The following FBXL4 variants were observed in gnomAD, a reference collection of about 807,000 sequenced individuals.
FBXL4 encodes F-box/LRR-repeat protein 4.
A neutral mutation model predicts 58.9 loss-of-function variants in FBXL4; 40 were observed. The ratio of observed to expected loss-of-function variants is 0.68; its 90% CI spans 0.53 to 0.88. The LOEUF (loss-of-function observed/expected upper bound fraction) is 0.88, where lower values mean the gene tolerates loss of function less well. FBXL4 is among the 40% of genes least tolerant of loss of function. The pLI is 0.00. For missense variants in FBXL4, 676 were observed against 734.4 expected (o/e 0.92, Z 0.92); for synonymous variants, 263 against 265.5 (o/e 0.99, Z 0.09).
chr6:98,947,267 C>T (rs1773656158), intron 1 of FBXL4, among the ~76,000 whole-genome samples: 1 of 152,260 alleles, frequency 6.6e-6, no homozygotes, highest in African/African-American at 2.4e-5. Flanking sequence ...AGATGGTCAT[C>T]ATCACACTCT....
At chr6:98,894,942 G>A (rs944795305) in intron 7 of FBXL4, among the ~76,000 whole-genome samples, 1 of 152,048 alleles carries the variant, frequency 6.6e-6, no homozygotes, top group Non-Finnish European at 1.5e-5. Flanking sequence ...TGCAGGGAGG[G>A]ACCCACATCA....
intron 8 of FBXL4, 93 bp from the exon 9 acceptor site, chr6:98,875,820 T>G (rs1246317497): frequency 2.4e-6 from 3 of 1,256,298 alleles, no homozygotes; most frequent in Non-Finnish European, 3.4e-6. Flanking sequence ...ACCTATTGCT[T>G]TGCTTCCATG....
In FBXL4 at chr6:98,905,789, A is replaced by G. The variant is rs868189230; in HGVS notation, c.859-119T>C. ...ATACATTTTATAACAATATTTTCAC[A>G]TAGTAAATAAACATCCAACAGAATT... On this transcript the variant is annotated intron_variant, in intron 5 of 9. Transcript: ENST00000369244. 98 of 1,001,702 alleles carry G rather than the reference A, an allele frequency of 9.8e-5. No individual in the cohort carries two copies. In the African/African-American group the frequency reaches 1.4e-3, roughly 15 times the overall value. The allele number at this position is 1,001,702 out of a possible 1,614,324, so 62.1% of individuals were successfully genotyped here.
At chr6:98,906,068 G>A (rs1425487187) in intron 5 of FBXL4, among the ~76,000 whole-genome samples, 2 of 151,364 alleles carry the variant, frequency 1.3e-5, no homozygotes, top group Admixed American at 6.6e-5. Context: ...ACAATGATAC[G>A]TTTTAATAGC....
chr6:98,923,604 C>A (rs950490081), intron 4 of FBXL4, among the ~76,000 whole-genome samples: 2 of 152,160 alleles, frequency 1.3e-5, no homozygotes, highest in Non-Finnish European at 2.9e-5. Context: ...CCCAGGGAAG[C>A]CTTCTCTGAG....
intron 4 of FBXL4, among the ~76,000 whole-genome samples, chr6:98,923,581 G>A (rs1400463082): frequency 1.3e-5 from 2 of 152,104 alleles, no homozygotes; most frequent in Non-Finnish European, 2.9e-5. Context: ...TCAGGTCCCA[G>A]GTAAGTCACT....
At chr6:98,884,261 T>C (rs1487902302) in intron 7 of FBXL4, among the ~76,000 whole-genome samples, 1 of 152,126 alleles carries the variant, frequency 6.6e-6, no homozygotes, top group Non-Finnish European at 1.5e-5. Context: ...TACTATGTGT[T>C]AGGCACCGTT....
chr6:98,883,144 G>A (rs1211752955), intron 7 of FBXL4, among the ~76,000 whole-genome samples: 5 of 152,008 alleles, frequency 3.3e-5, no homozygotes, highest in Non-Finnish European at 5.9e-5. Context: ...CATGAGTACA[G>A]AATGGTATAA....
rs572075170 is a variant in FBXL4 at position 98,904,097 on chromosome 6, G to C, written c.1103+1329C>G. On this transcript the variant is annotated intron_variant, in intron 6 of 9. Coordinates refer to ENST00000369244, the MANE Select transcript of FBXL4 (RefSeq NM_001278716.2). ...AAAATAATGCTTACTGACACCACTT[G>C]TTCTGTTTTCATATTCAGTTAGTCT... 1.2e-4 allele frequency among the ~76,000 whole-genome samples: 18 copies of C among 152,204 alleles called. No individual in the cohort carries two copies. The East Asian group carries it at 2.7e-3, about 23-fold the overall frequency.
chr6:98,915,224 C>T (rs1294889287), intron 5 of FBXL4, among the ~76,000 whole-genome samples: 13 of 151,484 alleles, frequency 8.6e-5, no homozygotes, highest in African/African-American at 1.7e-4. Context: ...GAATCAATAT[C>T]GTGAAAATGG....
At chr6:98,903,627 A>T (rs186694911) in intron 6 of FBXL4, among the ~76,000 whole-genome samples, 237 of 152,278 alleles carry the variant, frequency 1.6e-3, no homozygotes, top group African/African-American at 5.2e-3. Flanking sequence ...AAAATTTTTT[A>T]AATGGCATGG....
rs112039280 is a variant in FBXL4 at position 98,939,454 on chromosome 6, T to C, written c.-308-4575A>G. ...AGAGTCTACAAGCATGTCTTTCTTA[T>C]AGCAATCCTGCACCCACATAAGAAC... On this transcript the variant is annotated intron_variant, in intron 1 of 9. Coordinates refer to ENST00000369244, the MANE Select transcript of FBXL4 (RefSeq NM_001278716.2). Among the ~76,000 whole-genome samples the C allele has an allele frequency of 2.5e-3, 388 of 152,350 alleles. 2 individuals are homozygous for C. The highest frequency in any genetic ancestry group is 5.8e-3 in the African/African-American group (243 of 41,578).
chr6:98,898,420 C>T (rs2128388684), intron 7 of FBXL4: 2 of 985,324 alleles, frequency 2.0e-6, no homozygotes, highest in Non-Finnish European at 2.4e-6. Context: ...TGCACAGGCT[C>T]ATGGTGAAAC....
At chr6:98,902,188 TATAA>T (rs1433097917) in intron 6 of FBXL4, among the ~76,000 whole-genome samples, 1 of 152,158 alleles carries the variant, frequency 6.6e-6, no homozygotes, top group Non-Finnish European at 1.5e-5. Flanking sequence ...AAGAATTAGA[TATAA>T]ATATCTATGA....
At chr6:98,917,331 A>G (rs1772397417) in intron 5 of FBXL4, 43 bp downstream of exon 5, 3 of 1,273,038 alleles carry the variant, frequency 2.4e-6, no homozygotes, top group East Asian at 2.3e-5. Context: ...TTAAAAATCT[A>G]TAGTGTTATA....
chr6:98,905,763 C>A lies in FBXL4; in HGVS notation c.859-93G>T. 2.4e-6 allele frequency: 3 copies of A among 1,237,488 alleles called. No homozygotes were observed. The South Asian group carries it at 4.4e-5, about 18-fold the overall frequency. The allele number at this position is 1,237,488 out of a possible 1,614,324, so 76.7% of individuals were successfully genotyped here. On this transcript the variant is annotated intron_variant, in intron 5 of 9. Coordinates refer to ENST00000369244, the MANE Select transcript of FBXL4 (RefSeq NM_001278716.2). ...ATAATCTAATAAGGAATAAAAGTGT[C>A]ATACATTTTATAACAATATTTTCAC...
At chr6:98,913,980 G>A (rs371272858) in intron 5 of FBXL4, among the ~76,000 whole-genome samples, 1 of 151,890 alleles carries the variant, frequency 6.6e-6, no homozygotes, top group Non-Finnish European at 1.5e-5. Context: ...ATGATAAAGG[G>A]GATATCACCA....
intron 4 of FBXL4, among the ~76,000 whole-genome samples, chr6:98,921,610 C>T (rs1772584912): frequency 6.6e-6 from 1 of 152,074 alleles, no homozygotes; most frequent in Non-Finnish European, 1.5e-5. Flanking sequence ...CAGTGAAGAG[C>T]TTGGTCAATT....
intron 6 of FBXL4, among the ~76,000 whole-genome samples, chr6:98,902,242 C>G (rs1771641467): frequency 6.6e-6 from 1 of 152,084 alleles, no homozygotes. Context: ...AGCTGACCCT[C>G]ACCGAGTTTT....
Sources: gnomAD v4.1 joint callset for allele counts (sites outside exome capture counted in the v4.1 genomes callset) on GRCh38, gnomAD v4.1.1 for gene constraint, MANE v1.5 for transcripts, NCBI Gene and HGNC (gene_info 2026-07-23, HGNC 2026-07-21) for gene names.